RAPGEF1: variants seen among roughly 807,000 people sequenced by gnomAD.
The protein encoded by RAPGEF1 is CRK SH3-binding GNRP.
Under a neutral mutation model 143.3 loss-of-function variants are expected in RAPGEF1, and 33 were observed. That is an observed-to-expected ratio of 0.23 (90% confidence interval 0.17 to 0.31). The LOEUF (loss-of-function observed/expected upper bound fraction) is 0.31. Ranked by LOEUF, RAPGEF1 falls within the 10% of genes least tolerant of loss-of-function variation. The pLI, the probability that RAPGEF1 is intolerant of heterozygous loss-of-function variation, is 1.00. For synonymous variants in RAPGEF1, 629 were observed against 676.5 expected, an observed-to-expected ratio of 0.93 and a Z score of 1.09; for missense variants, 1,199 against 1,645.4, an observed-to-expected ratio of 0.73 and a Z score of 4.69.
In RAPGEF1 at chr9:131,657,802, G is replaced by A. The variant is rs146238626; in HGVS notation, c.62-6853C>T. Among the ~76,000 whole-genome samples, 53 of 152,304 alleles carry A rather than the reference G, an allele frequency of 3.5e-4. No homozygotes were observed. In the East Asian group the frequency reaches 6.0e-3, roughly 17 times the overall value. ...CACATCTCTTCCCTACAGGCAGCCC[G>A]ACTCTGACTTTCAGACTTATCATCC... On this transcript the variant is annotated intron_variant, in intron 1 of 26. Coordinates refer to ENST00000683357, the MANE Select transcript of RAPGEF1 (RefSeq NM_001377935.1).
chr9:131,605,248 T>C, intron 12 of RAPGEF1, 60 bp from the exon 13 acceptor site: 1 of 1,200,216 alleles, frequency 8.3e-7, no homozygotes, highest in Non-Finnish European at 1.1e-6. Context: ...AGAGAAAAAG[T>C]AATTAGATTG....
chr9:131,586,795 AACACACAC>A (rs71372752), intron 22 of RAPGEF1, among the ~76,000 whole-genome samples: 1 of 20,444 alleles, frequency 4.9e-5, no homozygotes, highest in African/African-American at 2.3e-4. Flanking sequence ...GACTCCGTCA[AACACACAC>A]ACACACACAC....
At chr9:131,679,917 C>A (rs972633351) in intron 1 of RAPGEF1, among the ~76,000 whole-genome samples, 1 of 152,182 alleles carries the variant, frequency 6.6e-6, no homozygotes, top group African/African-American at 2.4e-5. Flanking sequence ...AAGTGGGAAG[C>A]GAGTCACAGG....
chr9:131,610,216 A>G (rs971853923), intron 12 of RAPGEF1, among the ~76,000 whole-genome samples: 16 of 152,174 alleles, frequency 1.1e-4, no homozygotes, highest in Non-Finnish European at 2.9e-5. Flanking sequence ...TCTTTAAAGG[A>G]ACAATTCTGA....
chr9:131,644,212 G>A (rs967837988), intron 3 of RAPGEF1, among the ~76,000 whole-genome samples: 6 of 152,096 alleles, frequency 3.9e-5, no homozygotes, highest in African/African-American at 1.4e-4. Context: ...CTCCCTGACC[G>A]TGGGAGGCCT....
chr9:131,654,509 G>A (rs1001195682), intron 1 of RAPGEF1, among the ~76,000 whole-genome samples: 3 of 152,174 alleles, frequency 2.0e-5, no homozygotes, highest in African/African-American at 7.2e-5. Flanking sequence ...CCAGGAGTTG[G>A]AGCCTAGGCA....
intron 1 of RAPGEF1, among the ~76,000 whole-genome samples, chr9:131,711,012 A>G (rs1835466669): frequency 6.6e-6 from 1 of 151,982 alleles, no homozygotes; most frequent in African/African-American, 2.4e-5. Flanking sequence ...AGTACGTAGC[A>G]TGCTGCCTGA....
intron 1 of RAPGEF1, among the ~76,000 whole-genome samples, chr9:131,683,912 T>C (rs1833120034): frequency 6.6e-6 from 1 of 152,242 alleles, no homozygotes; most frequent in African/African-American, 2.4e-5. Context: ...CAGTTAGAAG[T>C]AGAAGGCACC....
chr9:131,700,437 A>G (rs1834544382), intron 1 of RAPGEF1, among the ~76,000 whole-genome samples: 1 of 152,224 alleles, frequency 6.6e-6, no homozygotes, highest in South Asian at 2.1e-4. Flanking sequence ...CCTGTCATCC[A>G]AAAGCCTACA....
chr9:131,577,421 A>C lies in RAPGEF1; in HGVS notation c.*2076T>G, dbSNP rs891045315. 6.6e-6 allele frequency: 1 copy of C among 152,314 alleles called. No homozygotes were observed. Among genetic ancestry groups the C allele is most frequent in the Non-Finnish European group, 1.5e-5 (1 of 68,098 alleles). The allele number at this position is 152,314 out of a possible 1,614,324, so 9.4% of individuals were successfully genotyped here. A position where few individuals can be genotyped will look rare whatever the true frequency, so the allele number is the denominator to read the frequency against. On this transcript the variant is annotated 3_prime_UTR_variant, in exon 27 of 27. Transcript: ENST00000683357. ...AAGAACAAGGCAGACAGAGCTGTGG[A>C]CAGCACCCGACCACAGACACGGTTC...
At chr9:131,661,642 G>A (rs1299729181) in intron 1 of RAPGEF1, among the ~76,000 whole-genome samples, 1 of 152,088 alleles carries the variant, frequency 6.6e-6, no homozygotes, top group African/African-American at 2.4e-5. Flanking sequence ...AAGATTCTTC[G>A]GAAAAAGAGC....
intron 1 of RAPGEF1, among the ~76,000 whole-genome samples, chr9:131,673,952 G>A (rs1831839670): frequency 6.6e-6 from 1 of 152,196 alleles, no homozygotes; most frequent in African/African-American, 2.4e-5. Context: ...GGAACTCGGA[G>A]AGCTAGTAGA....
chr9:131,698,980 A>G (rs1834415447), intron 1 of RAPGEF1, among the ~76,000 whole-genome samples: 2 of 152,254 alleles, frequency 1.3e-5, no homozygotes, highest in South Asian at 4.1e-4. Context: ...GCTGATAATC[A>G]GGACTTCTCT....
chr9:131,624,298 A>C (rs754092749), intron 10 of RAPGEF1, among the ~76,000 whole-genome samples: 49 of 152,190 alleles, frequency 3.2e-4, no homozygotes, highest in Non-Finnish European at 6.3e-4. Flanking sequence ...GGGCATGTGA[A>C]GCTTTAGCTC....
chr9:131,640,145 A>G (rs1460052141), intron 4 of RAPGEF1, among the ~76,000 whole-genome samples: 1 of 152,246 alleles, frequency 6.6e-6, no homozygotes, highest in Non-Finnish European at 1.5e-5. Context: ...AGGGGAAAAC[A>G]AAGACCCTGC....
intron 19 of RAPGEF1, 109 bp from the exon 20 acceptor site, chr9:131,589,095 TG>T: frequency 9.3e-7 from 1 of 1,077,476 alleles, no homozygotes; most frequent in Non-Finnish European, 1.3e-6. Context: ...GGCACAGAGC[TG>T]GCTGGGAAAT....
intron 1 of RAPGEF1, among the ~76,000 whole-genome samples, chr9:131,662,833 T>C (rs1829785572): frequency 6.6e-6 from 1 of 152,140 alleles, no homozygotes; most frequent in Admixed American, 6.5e-5. Flanking sequence ...CAGCCCTGGC[T>C]AAGTTTTGTT....
chr9:131,614,744 T>G (rs1002407162), intron 12 of RAPGEF1, among the ~76,000 whole-genome samples: 3 of 152,220 alleles, frequency 2.0e-5, no homozygotes, highest in African/African-American at 7.2e-5. Context: ...ACGACTGTTT[T>G]GCCCAGAATG....
chr9:131,648,545 G>A (rs917639065), intron 3 of RAPGEF1, among the ~76,000 whole-genome samples: 1 of 152,174 alleles, frequency 6.6e-6, no homozygotes, highest in Non-Finnish European at 1.5e-5. Context: ...GACTAGTGTT[G>A]GATGACAATT....
Sources: gnomAD v4.1 joint callset for allele counts (sites outside exome capture counted in the v4.1 genomes callset) on GRCh38, gnomAD v4.1.1 for gene constraint, MANE v1.5 for transcripts, NCBI Gene and HGNC (gene_info 2026-07-23, HGNC 2026-07-21) for gene names.